SHPRH: variants seen among roughly 807,000 people sequenced by gnomAD.
SHPRH encodes E3 ubiquitin-protein ligase SHPRH.
Under a neutral mutation model 202.5 loss-of-function variants are expected in SHPRH, and 106 were observed. That is an observed-to-expected ratio of 0.52 (90% CI 0.45 to 0.62). The LOEUF is 0.62. SHPRH is among the 20% of genes least tolerant of loss of function. The pLI is 0.00. For missense variants in SHPRH, 1,710 were observed against 2,020.0 expected (o/e 0.85, Z 2.94); for synonymous variants, 729 against 686.0 (o/e 1.06, Z -0.98).
At chr6:145,872,443 T>G (rs1256464777) in intron 2 of SHPRH, among the ~76,000 whole-genome samples, 1 of 152,100 alleles carries the variant, frequency 6.6e-6, no homozygotes, top group African/African-American at 2.4e-5. Context: ...AAAAAAGCCT[T>G]CACATCACTA....
chr6:145,926,847 T>C (rs1015913722), intron 15 of SHPRH, among the ~76,000 whole-genome samples: 3 of 151,972 alleles, frequency 2.0e-5, no homozygotes, highest in Non-Finnish European at 1.5e-5. Context: ...CCTTTTCTTT[T>C]TAATGAAAAC....
rs75182905 is a variant in SHPRH, at chr6:145,868,945, T to C, written c.222-4454A>G. 7.8e-4 allele frequency among the ~76,000 whole-genome samples: 119 copies of C among 152,332 alleles called. 2 individuals carry two copies. The highest frequency in any genetic ancestry group is 1.4e-3 in the Non-Finnish European group (92 of 68,026). On this transcript the variant is annotated intron_variant, in intron 2 of 2. Coordinates refer to the SHPRH transcript ENST00000417762. Reference sequence around the variant, plus strand: ...CCTCTCATATTTATTTCATGAGATATGAGTATGTTTAGTTTCATAAGAAAC... The same window carrying C: ...CCTCTCATATTTATTTCATGAGATACGAGTATGTTTAGTTTCATAAGAAAC...
chr6:145,947,373 A>C, intron 6 of SHPRH, 120 bp downstream of exon 6: 3 of 1,150,502 alleles, frequency 2.6e-6, no homozygotes, highest in Non-Finnish European at 3.6e-6. Context: ...CACTAATATA[A>C]ATCATTACCC....
rs1451373227 is a variant in SHPRH, at chr6:145,943,455, A to G, written c.1926T>C (p.Asp642=). Residue 642 remains aspartate (D), a synonymous_variant, in exon 9 of 30, where the codon GAT becomes GAC. Coordinates refer to ENST00000275233, the MANE Select transcript of SHPRH (RefSeq NM_001042683.3). ...CAESLNHADS[D]VPPSNTMSPF... The stretch of plus-strand genomic sequence containing the variant: ...GACTCATGGTATTAGAAGGTGGTAC[A>G]TCACTATCAGCATGATTTAGAGATT... 1.2e-6 allele frequency: 2 copies of G among 1,614,060 alleles called. No individual in the cohort carries two copies. The highest frequency in any genetic ancestry group is 1.7e-6 in the Non-Finnish European group (2 of 1,179,950).
intron 25 of SHPRH, among the ~76,000 whole-genome samples, chr6:145,897,871 C>T (rs1003237998): frequency 1.3e-5 from 2 of 152,050 alleles, no homozygotes; most frequent in Non-Finnish European, 2.9e-5. Context: ...TACCTCAACA[C>T]AGTAAAGGCC....
chr6:145,906,724 T>A (rs1782994880), intron 25 of SHPRH: 1 of 152,082 alleles, frequency 6.6e-6, no homozygotes, highest in Non-Finnish European at 1.5e-5. Flanking sequence ...TATGAAACAG[T>A]TGGGCATTTT....
intron 23 of SHPRH, among the ~76,000 whole-genome samples, chr6:145,916,765 A>G (rs1444457185): frequency 2.0e-5 from 3 of 152,012 alleles, no homozygotes; most frequent in Non-Finnish European, 4.4e-5. Flanking sequence ...TATGTTCAGG[A>G]ATGTTGAGAC....
chr6:145,869,339 AGT>A (rs1388138445), intron 2 of SHPRH, among the ~76,000 whole-genome samples: 1 of 152,232 alleles, frequency 6.6e-6, no homozygotes, highest in East Asian at 1.9e-4. Flanking sequence ...AGCAGAAATT[AGT>A]TTGAATGAAG....
Position 145,924,823 on chromosome 6 carries a change from G to A in SHPRH, c.3318C>T (p.Tyr1106=), listed in dbSNP as rs2128752484. The part of the protein sequence containing the change: ...EEEAKQLREH[Y]MSKCNTEVAE... ...CAACTTCTGTATTACACTTGCTCAT[G>A]TAGTGCTCTCGCAGCTGTTTGGCCT... The change falls in exon 17 of 30, where the codon TAC becomes TAT. Residue 1106 remains tyrosine (Y), a synonymous_variant. Coordinates refer to ENST00000275233, the MANE Select transcript of SHPRH (RefSeq NM_001042683.3). The A allele has an allele frequency of 6.2e-7, 1 of 1,611,584 alleles. No individual in the cohort carries two copies. The highest frequency in any genetic ancestry group is 1.3e-5 in the African/African-American group (1 of 74,882).
At chr6:145,937,694 T>C (rs1786266002) in intron 11 of SHPRH, among the ~76,000 whole-genome samples, 1 of 152,312 alleles carries the variant, frequency 6.6e-6, no homozygotes, top group Admixed American at 6.5e-5. Flanking sequence ...ACCTACCTAG[T>C]CTCTCTATCC....
At chr6:145,919,568 A>G in intron 21 of SHPRH, 77 bp from the exon 22 acceptor site, 1 of 1,517,182 alleles carries the variant, frequency 6.6e-7, no homozygotes, top group East Asian at 2.3e-5. Flanking sequence ...ATGTGCCTTA[A>G]GCAAAAGTCT....
At position 145,935,340 on chromosome 6, in the gene SHPRH, G is replaced by A; in HGVS notation, c.2671C>T (p.His891Tyr). 1.2e-6 allele frequency: 2 copies of A among 1,614,036 alleles called. No individual in the cohort carries two copies. Among genetic ancestry groups the A allele is most frequent in the Non-Finnish European group, 8.5e-7 (1 of 1,179,994 alleles). Residue 891 changes from histidine to tyrosine, a missense_variant, in exon 12 of 30, where the codon CAT becomes TAT. By Grantham distance (83) the His-to-Tyr change is moderately conservative (BLOSUM62 2). Transcript: ENST00000275233. ...YRPYCKKNPQ[H>Y]LYSFIAKILW... ...ATCTTGGCAATAAAGCTGTAGAGAT[G>A]CTGAGGATTCTTCTTGCAGTAAGGC...
chr6:145,937,044 T>C (rs1440528566), intron 11 of SHPRH, among the ~76,000 whole-genome samples: 1 of 145,728 alleles, frequency 6.9e-6, no homozygotes, highest in East Asian at 2.0e-4. Flanking sequence ...AGGGCAACGG[T>C]GCAATCTCAG....
intron 28 of SHPRH, among the ~76,000 whole-genome samples, chr6:145,892,533 G>T (rs1781655744): frequency 6.6e-6 from 1 of 151,874 alleles, no homozygotes; most frequent in Non-Finnish European, 1.5e-5. Context: ...AATAAATACT[G>T]ATTTAGTAAG....
intron 1 of SHPRH, among the ~76,000 whole-genome samples, chr6:145,959,928 C>G (rs1788918666): frequency 1.3e-5 from 2 of 152,176 alleles, no homozygotes; most frequent in African/African-American, 4.8e-5. Flanking sequence ...CAGTTTTCCT[C>G]AAAGCATAAG....
At chr6:145,950,185 A>G in intron 4 of SHPRH, 79 bp downstream of exon 4, 1 of 1,161,368 alleles carries the variant, frequency 8.6e-7, no homozygotes, top group Non-Finnish European at 1.2e-6. Context: ...TATTTTAATG[A>G]TCAATTTCAC....
In SHPRH at chr6:145,955,146, A is replaced by G. The variant is rs370687117; in HGVS notation, c.177T>C (p.Asp59=). The stretch of plus-strand genomic sequence containing the variant: ...TGTGAGCCACTTCTTCCTTTAGACT[A>G]TCACTTAGAATGATATAATGAGCAG... ...TSSAHYIILS[D]SLKEEVAHRD... is the part of the protein sequence containing the mutation. The change falls in exon 2 of 30, where the codon GAT becomes GAC. Residue 59 remains aspartate (D), a synonymous_variant. Transcript: ENST00000275233. The G allele has an allele frequency of 4.3e-6, 7 of 1,613,670 alleles. No homozygotes were observed. The East Asian group carries it at 1.3e-4, about 31-fold the overall frequency.
chr6:145,860,601 C>T (rs1779548161), downstream of SHPRH, among the ~76,000 whole-genome samples: 1 of 151,988 alleles, frequency 6.6e-6, no homozygotes, highest in South Asian at 2.1e-4. Context: ...TCAATGCAAT[C>T]TTTATCAAAA....
intron 25 of SHPRH, chr6:145,904,211 G>A (rs1041383570): frequency 2.6e-5 from 4 of 151,890 alleles, no homozygotes; most frequent in African/African-American, 9.7e-5. Flanking sequence ...CTATGTCTGA[G>A]AATCTTGACA....
Sources: allele counts gnomAD v4.1 joint callset (sites outside exome capture counted in the v4.1 genomes callset), GRCh38; gene constraint gnomAD v4.1.1; transcripts MANE v1.5; gene names NCBI Gene and HGNC (gene_info 2026-07-23, HGNC 2026-07-21).